Variants in IMMT observed in about 807,000 individuals in gnomAD.
IMMT encodes MICOS complex subunit MIC60.
Under a neutral mutation model 92.7 loss-of-function variants are expected in IMMT, and 40 were observed. The ratio of observed to expected loss-of-function variants is 0.43; its 90% confidence interval spans 0.34 to 0.56. IMMT has a LOEUF of 0.56. Ranked by LOEUF, IMMT falls within the 20% of genes least tolerant of loss-of-function variation. The probability of loss-of-function intolerance (pLI) is 0.03; values close to 1 mark genes in which losing one functional copy is unlikely to be tolerated. For missense variants in IMMT, 831 were observed against 912.1 expected (o/e 0.91, Z 1.14); for synonymous variants, 322 against 336.1 (o/e 0.96, Z 0.46).
chr2:86,171,246 G>A lies in IMMT; in HGVS notation c.521C>T (p.Pro174Leu). The A allele has an allele frequency of 6.2e-7, 1 of 1,603,670 alleles. No homozygotes were observed. ...TGTGGGTTTTCCTTCACCAATTTCA[G>A]GGTGATCAGTTTTTAAAGATTCCTC... ...QPEESLKTDH[P>L]EIGEGKPTPA... is the part of the protein sequence containing the mutation. The change falls in exon 5 of 15, where the codon CCT (proline) becomes CTT (leucine). Residue 174 changes from proline to leucine, a missense_variant. By Grantham distance (98) the Pro-to-Leu change is moderately conservative (BLOSUM62 -3). Transcript: ENST00000410111.
At chr2:86,167,501 T>TG (rs1450946850) in intron 6 of IMMT, among the ~76,000 whole-genome samples, 1 of 83,110 alleles carries the variant, frequency 1.2e-5, no homozygotes, top group East Asian at 4.7e-4. Context: ...TTTTTTTTTT[T>TG]GGAGACGGAG....
intron 10 of IMMT, among the ~76,000 whole-genome samples, chr2:86,157,232 A>G (rs1471849203): frequency 1.3e-5 from 2 of 152,186 alleles, no homozygotes; most frequent in Admixed American, 1.3e-4. Flanking sequence ...TTTGACAACA[A>G]TCTAACTGAT....
intron 4 of IMMT, among the ~76,000 whole-genome samples, chr2:86,172,739 T>C (rs1677180861): frequency 6.6e-6 from 1 of 152,184 alleles, no homozygotes. Context: ...CACTCTAGCC[T>C]CATTTGCCCT....
At chr2:86,157,814 AAAAG>A (rs1363102696) in intron 10 of IMMT, among the ~76,000 whole-genome samples, 1 of 151,014 alleles carries the variant, frequency 6.6e-6, no homozygotes, top group Non-Finnish European at 1.5e-5. Context: ...GAAAAAAAAA[AAAAG>A]GTACAAAAAA....
intron 1 of IMMT, among the ~76,000 whole-genome samples, chr2:86,184,244 C>T (rs975934220): frequency 1.3e-5 from 2 of 152,020 alleles, no homozygotes; most frequent in African/African-American, 4.8e-5. Flanking sequence ...GATCATAGCT[C>T]ACTGTAACCT....
In IMMT at chr2:86,144,201, A is replaced by T. The variant is rs1223713752; in HGVS notation, c.*67T>A. 6.4e-7 allele frequency: 1 copy of T among 1,566,860 alleles called. No homozygotes were observed. Among genetic ancestry groups the T allele is most frequent in the Non-Finnish European group, 8.7e-7 (1 of 1,149,794 alleles). ...GACAAGTCCGGGACTCTCGCTGCGA[A>T]CCCTTCATCTATCACTGCTGATTTC... On this transcript the variant is annotated 3_prime_UTR_variant, in exon 15 of 15. Transcript: ENST00000410111.
At chr2:86,145,519 GAAAT>G (rs1674936152) in intron 14 of IMMT, among the ~76,000 whole-genome samples, 2 of 111,464 alleles carry the variant, frequency 1.8e-5, no homozygotes, top group Non-Finnish European at 3.9e-5. Context: ...AAAAAAAAAA[GAAAT>G]GGGAGACTTC....
At chr2:86,156,489 G>C (rs1433897762) in intron 10 of IMMT, among the ~76,000 whole-genome samples, 1 of 151,686 alleles carries the variant, frequency 6.6e-6, no homozygotes, top group East Asian at 1.9e-4. Context: ...AGCTACTCGG[G>C]AGGCTGTGGC....
rs763515912 is a variant in IMMT at position 86,144,884 on chromosome 2, A to G, written c.1664-3T>C. Reference sequence around the variant, plus strand: ...TTCCTCTTCAGCAACTGCATGGCCTACAAAGAAAAAAAGGCAAAGCCAAAC... The same window carrying G: ...TTCCTCTTCAGCAACTGCATGGCCTGCAAAGAAAAAAAGGCAAAGCCAAAC... On this transcript the variant is annotated splice_polypyrimidine_tract_variant and splice_region_variant and intron_variant, in intron 14 of 14. Coordinates refer to ENST00000410111, the MANE Select transcript of IMMT (RefSeq NM_006839.3). 1.3e-6 allele frequency: 2 copies of G among 1,579,912 alleles called. No individual in the cohort carries two copies. Among genetic ancestry groups the G allele is most frequent in the Non-Finnish European group, 1.7e-6 (2 of 1,165,802 alleles).
At chr2:86,154,945 C>T (rs1054424362) in intron 10 of IMMT, among the ~76,000 whole-genome samples, 3 of 152,158 alleles carry the variant, frequency 2.0e-5, no homozygotes, top group African/African-American at 4.8e-5. Context: ...TCACTGTAAC[C>T]TCCACTGCCC....
Position 86,158,676 on chromosome 2 carries a change from C to G in IMMT, c.1078G>C (p.Glu360Gln). The G allele has an allele frequency of 6.2e-7, 1 of 1,605,260 alleles. No individual in the cohort carries two copies. ...TCATCCCGAGCTTGGACCACCAGCT[C>G]ATGATACTGAGATACAACCTTAGCC... ...SEAKVVSQYH[E>Q]LVVQARDDFK... Residue 360 changes from glutamate to glutamine, a missense_variant, in exon 10 of 15, where the codon GAG becomes CAG. By Grantham distance (29) the Glu-to-Gln change is conservative. Transcript: ENST00000410111.
intron 7 of IMMT, among the ~76,000 whole-genome samples, chr2:86,162,343 T>TG (rs1285006708): frequency 6.7e-6 from 1 of 148,396 alleles, no homozygotes; most frequent in Non-Finnish European, 1.5e-5. Flanking sequence ...GGAGAGTTGT[T>TG]TTTTTTTTTT....
intron 12 of IMMT, among the ~76,000 whole-genome samples, chr2:86,150,891 T>G (rs1161209188): frequency 6.6e-6 from 1 of 151,806 alleles, no homozygotes; most frequent in Non-Finnish European, 1.5e-5. Flanking sequence ...TGACTTATAT[T>G]CAATATCCTA....
intron 13 of IMMT, 142 bp downstream of exon 13, chr2:86,147,560 C>T: frequency 1.5e-6 from 1 of 651,800 alleles, no homozygotes; most frequent in Admixed American, 3.5e-5. Context: ...ACAGGTACAC[C>T]ATTATGTAAA....
At chr2:86,168,157 A>G (rs1676845219) in intron 6 of IMMT, among the ~76,000 whole-genome samples, 1 of 152,204 alleles carries the variant, frequency 6.6e-6, no homozygotes, top group African/African-American at 2.4e-5. Context: ...CCATAAAAGG[A>G]CTCAAGAAAT....
chr2:86,159,598 TATG>T lies in IMMT; in HGVS notation c.967_969del (p.His323del). 6.2e-7 allele frequency: 1 copy of T among 1,602,962 alleles called. No individual in the cohort carries two copies. Among genetic ancestry groups the T allele is most frequent in the Non-Finnish European group, 8.5e-7 (1 of 1,175,888 alleles). On this transcript the variant is annotated inframe_deletion, in exon 9 of 15. Coordinates refer to ENST00000410111, the MANE Select transcript of IMMT (RefSeq NM_006839.3). ...TGAAGTTTACCCTCTGCAGCAGTTA[TATG>T]AGGCTTGGCCCCAGCAACCTCTTTT...
intron 14 of IMMT, among the ~76,000 whole-genome samples, chr2:86,145,365 C>T (rs376465808): frequency 4.9e-4 from 74 of 151,922 alleles, no homozygotes; most frequent in Non-Finnish European, 9.0e-4. Flanking sequence ...CGTGGTGGCA[C>T]GCACCTGTAT....
At chr2:86,145,855 G>T (rs898619909) in intron 14 of IMMT, among the ~76,000 whole-genome samples, 1 of 152,082 alleles carries the variant, frequency 6.6e-6, no homozygotes, top group Non-Finnish European at 1.5e-5. Context: ...AAATAGCCTT[G>T]TAAATGGTGA....
intron 8 of IMMT, chr2:86,160,159 A>G (rs1237496312): frequency 6.6e-6 from 1 of 152,580 alleles, no homozygotes; most frequent in African/African-American, 2.4e-5. Context: ...AGAGTGAACC[A>G]GAGAGGTAGC....
Sources: gnomAD v4.1 joint callset for allele counts (sites outside exome capture counted in the v4.1 genomes callset) on GRCh38, gnomAD v4.1.1 for gene constraint, MANE v1.5 for transcripts, NCBI Gene and HGNC (gene_info 2026-07-23, HGNC 2026-07-21) for gene names.